SLC25A17: variants seen among roughly 807,000 people sequenced by gnomAD.
SLC25A17 encodes the protein peroxisomal membrane protein PMP34.
A neutral mutation model predicts 38.5 loss-of-function variants in SLC25A17; 26 were observed. The ratio of observed to expected loss-of-function variants is 0.68; its 90% confidence interval spans 0.50 to 0.94. The LOEUF is 0.94. SLC25A17 is among the 40% of genes least tolerant of loss of function. SLC25A17 has a pLI of 0.00. For synonymous variants in SLC25A17, 139 were observed against 136.2 expected (o/e 1.02, Z -0.14); for missense variants, 333 against 372.7 (o/e 0.89, Z 0.88).
At position 40,791,806 on chromosome 22, in the gene SLC25A17, C is replaced by T. The variant is rs145305748; in HGVS notation, c.334+719G>A. Among the ~76,000 whole-genome samples, 244 of 152,226 alleles carry T rather than the reference C, an allele frequency of 1.6e-3. 1 individual carries two copies. The highest frequency in any genetic ancestry group is 0.014 in the Middle Eastern group (4 of 294). On this transcript the variant is annotated intron_variant, in intron 4 of 8. Coordinates refer to ENST00000435456, the MANE Select transcript of SLC25A17 (RefSeq NM_006358.4). ...ACTGTTGGTGGGATTATAAATGTTA[C>T]AGTGTTATGGAAAACAGTATGGAGG...
At position 40,792,530 on chromosome 22, in the gene SLC25A17, A is replaced by G. The variant is rs373978696; in HGVS notation, c.329T>C (p.Val110Ala). 1.2e-6 allele frequency: 2 copies of G among 1,606,598 alleles called. No homozygotes were observed. Among genetic ancestry groups the G allele is most frequent in the Non-Finnish European group, 1.7e-6 (2 of 1,176,260 alleles). Residue 110 changes from valine (V) to alanine (A), a missense_variant, in exon 4 of 9, where the codon GTT becomes GCT. By Grantham distance (64) the Val-to-Ala change is moderately conservative (BLOSUM62 0). Coordinates refer to ENST00000435456, the MANE Select transcript of SLC25A17 (RefSeq NM_006358.4). ...TTGKDLVVGF[V>A]AGVVNVLLTT... ...TACCCAGAAAACCTTGTTACCTGCA[A>G]CAAACCCAACTACCAGATCTTTTCC...
At chr22:40,771,017 C>A in intron 8 of SLC25A17, 36 bp from the exon 9 acceptor site, 1 of 1,507,022 alleles carries the variant, frequency 6.6e-7, no homozygotes, top group South Asian at 1.3e-5. Context: ...CAGAAGTCAG[C>A]TCCTGCATCA....
At position 40,786,540 on chromosome 22, in the gene SLC25A17, G is replaced by C. The variant is rs5995946; in HGVS notation, c.334+5985C>G. ...CATACATCCTCCCATACACTTTAAT[G>C]TCTAGATTACTTATAATACAATGTA... is the stretch of plus-strand genomic sequence containing the variant. On this transcript the variant is annotated intron_variant, in intron 4 of 8. Transcript: ENST00000435456. Among the ~76,000 whole-genome samples the C allele has an allele frequency of 3.6e-3, 546 of 152,268 alleles. 5 individuals carry two copies. The highest frequency in any genetic ancestry group is 0.013 in the African/African-American group (526 of 41,552).
chr22:40,817,020 T>C (rs1205532843), intron 1 of SLC25A17, among the ~76,000 whole-genome samples: 2 of 152,222 alleles, frequency 1.3e-5, no homozygotes, highest in Non-Finnish European at 2.9e-5. Flanking sequence ...TAGAATGCAC[T>C]CAATAAAGGT....
intron 1 of SLC25A17, 37 bp downstream of exon 1, chr22:40,819,157 TA>T (rs1350842935): frequency 2.5e-6 from 4 of 1,611,700 alleles, no homozygotes; most frequent in Admixed American, 3.3e-5. Context: ...AGAAGCCTTA[TA>T]ACCCGTTGCG....
At chr22:40,795,017 T>C (rs547589117) in intron 2 of SLC25A17, among the ~76,000 whole-genome samples, 391 of 152,164 alleles carry the variant, frequency 2.6e-3, no homozygotes, top group Non-Finnish European at 4.4e-3. Flanking sequence ...CCTCCCAAAG[T>C]GCTGGGATTA....
intron 3 of SLC25A17, 71 bp downstream of exon 3, chr22:40,794,443 A>G: frequency 1.1e-6 from 1 of 904,024 alleles, no homozygotes; most frequent in Admixed American, 1.9e-5. Flanking sequence ...GAAAGTAAGC[A>G]TAACTCTACT....
chr22:40,790,769 T>C (rs1293499995), intron 4 of SLC25A17, among the ~76,000 whole-genome samples: 1 of 152,246 alleles, frequency 6.6e-6, no homozygotes, highest in Non-Finnish European at 1.5e-5. Flanking sequence ...TGGAAAGTTA[T>C]ATGAGTTAGT....
intron 1 of SLC25A17, among the ~76,000 whole-genome samples, chr22:40,806,508 AC>A (rs1767421864): frequency 6.6e-6 from 1 of 152,138 alleles, no homozygotes; most frequent in Non-Finnish European, 1.5e-5. Context: ...TTAAAAACCT[AC>A]AGGGTTATGA....
At chr22:40,779,272 GGT>G (rs2057275133) in intron 4 of SLC25A17, 147 bp from the exon 5 acceptor site, 1 of 1,510,498 alleles carries the variant, frequency 6.6e-7, no homozygotes, top group Admixed American at 2.0e-5. Context: ...TTTGTGCCAG[GGT>G]ACAACACAAG....
chr22:40,814,784 TATA>T (rs1185938870), intron 1 of SLC25A17, among the ~76,000 whole-genome samples: 68 of 91,892 alleles, frequency 7.4e-4, no homozygotes, highest in African/African-American at 3.2e-3. Flanking sequence ...TATATATATA[TATA>T]TATTGTTGTT....
intron 1 of SLC25A17, among the ~76,000 whole-genome samples, chr22:40,809,848 C>T (rs1293610254): frequency 1.3e-5 from 2 of 152,246 alleles, no homozygotes; most frequent in East Asian, 1.9e-4. Flanking sequence ...ATACTATCAT[C>T]TAACCTGACA....
chr22:40,798,811 G>C (rs1244668860), intron 2 of SLC25A17, among the ~76,000 whole-genome samples: 1 of 151,364 alleles, frequency 6.6e-6, no homozygotes, highest in Non-Finnish European at 1.5e-5. Context: ...TACTAAAAAA[G>C]AGGTTCCTGT....
At position 40,770,754 on chromosome 22, in the gene SLC25A17, G is replaced by A. The variant is rs2057173164; in HGVS notation, c.*80C>T. ...AACATTTGTGGTGGCAGGAGCCAGA[G>A]TCAAGGGAGAATCACTTCTCTTCAC... is the stretch of plus-strand genomic sequence containing the variant. On this transcript the variant is annotated 3_prime_UTR_variant, in exon 9 of 9. Transcript: ENST00000435456. 2.1e-6 allele frequency: 3 copies of A among 1,446,262 alleles called. No individual in the cohort carries two copies. The South Asian group carries it at 4.1e-5, about 20-fold the overall frequency. 89.6% of individuals were successfully genotyped at this position (1,446,262 alleles called of 1,614,324 possible).
chr22:40,809,120 A>G (rs913299683), intron 1 of SLC25A17, among the ~76,000 whole-genome samples: 3 of 150,506 alleles, frequency 2.0e-5, no homozygotes, highest in Non-Finnish European at 4.4e-5. Flanking sequence ...TTTTTTTTGT[A>G]GAGGCGAGAC....
At chr22:40,796,123 C>G (rs773548076) in intron 2 of SLC25A17, among the ~76,000 whole-genome samples, 1 of 152,124 alleles carries the variant, frequency 6.6e-6, no homozygotes, top group Non-Finnish European at 1.5e-5. Flanking sequence ...TTTAGCCTTG[C>G]GTCTGTCTCC....
chr22:40,810,537 C>T (rs1040109405), intron 1 of SLC25A17, among the ~76,000 whole-genome samples: 46 of 151,924 alleles, frequency 3.0e-4, no homozygotes, highest in African/African-American at 1.1e-3. Flanking sequence ...AGTAGAGACA[C>T]GGTTTCTCCA....
At chr22:40,784,784 C>CAAAAAAAAAAAAA (rs71200616) in intron 4 of SLC25A17, among the ~76,000 whole-genome samples, 3 of 96,342 alleles carry the variant, frequency 3.1e-5, no homozygotes, top group East Asian at 3.0e-4. Context: ...TCAACAACAA[C>CAAAAAAAAAAAAA]AAAAAAAAAA....
At chr22:40,774,407 A>G (rs2095196125) in intron 7 of SLC25A17, among the ~76,000 whole-genome samples, 1 of 152,136 alleles carries the variant, frequency 6.6e-6, no homozygotes, top group Non-Finnish European at 1.5e-5. Context: ...TATTTTTAGC[A>G]GAGATGTGGT....
Sources: gnomAD v4.1 joint callset for allele counts (sites outside exome capture counted in the v4.1 genomes callset) on GRCh38, gnomAD v4.1.1 for gene constraint, MANE v1.5 for transcripts, NCBI Gene and HGNC (gene_info 2026-07-23, HGNC 2026-07-21) for gene names.